The following RNF144A variants were observed in gnomAD, a reference collection of about 807,000 sequenced individuals.
The protein encoded by RNF144A is ring finger protein 144A.
RNF144A carries 11 observed loss-of-function variants against 38.7 expected under a neutral mutation model. The ratio of observed to expected loss-of-function variants is 0.28; its 90% CI spans 0.18 to 0.47. The LOEUF (loss-of-function observed/expected upper bound fraction) is 0.47, where lower values mean the gene tolerates loss of function less well. Among genes scored for constraint, RNF144A ranks in the 20% least tolerant of loss-of-function variants. The pLI, the probability that RNF144A is intolerant of heterozygous loss-of-function variation, is 0.99. For synonymous variants in RNF144A, 149 were observed against 143.9 expected, an observed-to-expected ratio of 1.04 and a Z score of -0.25; for missense variants, 316 against 377.2, an observed-to-expected ratio of 0.84 and a Z score of 1.34.
intron 6 of RNF144A, among the ~76,000 whole-genome samples, chr2:7,060,255 C>T (rs1235307642): frequency 6.6e-6 from 1 of 152,060 alleles, no homozygotes; most frequent in Non-Finnish European, 1.5e-5. Flanking sequence ...AAGACATGAT[C>T]CTGTTTTGTT....
Position 6,944,733 on chromosome 2 carries a change from G to A in RNF144A, c.-12+3586G>A, listed in dbSNP as rs528156198. Among the ~76,000 whole-genome samples the A allele has an allele frequency of 5.3e-5, 8 of 152,202 alleles. No homozygotes were observed. Among genetic ancestry groups the A allele is most frequent in the African/African-American group, 1.7e-4 (7 of 41,528 alleles). ...ACATCACGAGGCCAAGTAGAATTTT[G>A]TGTTCTCTCTGTTGGCCACGCCCAC... On this transcript the variant is annotated intron_variant, in intron 2 of 8. Coordinates refer to ENST00000320892, the MANE Select transcript of RNF144A (RefSeq NM_014746.6). This position sits in a 1 kb window ranked among gnomAD's most constrained non-coding sequence, Gnocchi z 4.7.
the RNF144A span, among the ~76,000 whole-genome samples, chr2:7,075,752 T>C: frequency 1.3e-5 from 2 of 152,150 alleles, no homozygotes; most frequent in Admixed American, 1.3e-4. Context: ...CAACAGAAAA[T>C]GGATTAAGAC....
chr2:7,074,278 C>G, the RNF144A span, among the ~76,000 whole-genome samples: 2 of 152,160 alleles, frequency 1.3e-5, no homozygotes, highest in Admixed American at 1.3e-4. Flanking sequence ...TGTGCTCGTT[C>G]TGGGCCTGCC....
intron 2 of RNF144A, among the ~76,000 whole-genome samples, chr2:6,963,976 G>A (rs1399455617): frequency 6.6e-6 from 1 of 152,092 alleles, no homozygotes; most frequent in Admixed American, 6.5e-5. Context: ...CCAGCAGCTG[G>A]TAGGCAAAGC....
At position 6,985,758 on chromosome 2, in the gene RNF144A, C is replaced by T. The variant is rs140798098; in HGVS notation, c.-11-11158C>T. Among the ~76,000 whole-genome samples the T allele has an allele frequency of 5.5e-3, 844 of 152,268 alleles. 8 individuals are homozygous for T. The highest frequency in any genetic ancestry group is 0.019 in the African/African-American group (802 of 41,538). ...CGCCATCTCGGCTCACTGCAAGCTC[C>T]GCCTCCTGGGTTCATGCCATTCTCC... On this transcript the variant is annotated intron_variant, in intron 2 of 8. Transcript: ENST00000320892.
chr2:6,946,888 A>G (rs1280041456), intron 2 of RNF144A, among the ~76,000 whole-genome samples: 2 of 152,182 alleles, frequency 1.3e-5, no homozygotes, highest in Non-Finnish European at 2.9e-5. Flanking sequence ...GTTGTACATT[A>G]TTTACATATC....
At chr2:6,975,787 C>G (rs1225001958) in intron 2 of RNF144A, among the ~76,000 whole-genome samples, 3 of 152,202 alleles carry the variant, frequency 2.0e-5, no homozygotes, top group Non-Finnish European at 4.4e-5. Context: ...GATTGCACCA[C>G]AGCACTCTAG....
At chr2:6,920,530 T>C (rs770632349) in intron 1 of RNF144A, among the ~76,000 whole-genome samples, 54 of 152,160 alleles carry the variant, frequency 3.5e-4, no homozygotes, top group Non-Finnish European at 6.2e-4. Context: ...CAGGATGATA[T>C]TGAGCCCTCA....
At chr2:7,010,560 C>A (rs1181599835) in intron 3 of RNF144A, among the ~76,000 whole-genome samples, 1 of 152,098 alleles carries the variant, frequency 6.6e-6, no homozygotes, top group Admixed American at 6.5e-5. Flanking sequence ...TTCTCTGTGG[C>A]CACTTCTCCT....
At chr2:6,953,607 C>G (rs375787672) in intron 2 of RNF144A, among the ~76,000 whole-genome samples, 1 of 152,112 alleles carries the variant, frequency 6.6e-6, no homozygotes, top group South Asian at 2.1e-4. Context: ...TTATCAATAT[C>G]TATCTTAATT....
chr2:6,923,846 A>G (rs777460949), intron 1 of RNF144A, among the ~76,000 whole-genome samples: 2 of 151,454 alleles, frequency 1.3e-5, no homozygotes, highest in African/African-American at 2.4e-5. Context: ...TCTCTAATCC[A>G]ATTTTACTGA....
In RNF144A at chr2:6,992,981, A is replaced by G. The variant is rs1268958225; in HGVS notation, c.-11-3935A>G. On this transcript the variant is annotated intron_variant, in intron 2 of 8. Transcript: ENST00000320892. Reference sequence around the variant, plus strand: ...CCATTTCATATGACTTGACATTCACATTAGGAAAACAAAGACTGTGCTTTC... The same window carrying G: ...CCATTTCATATGACTTGACATTCACGTTAGGAAAACAAAGACTGTGCTTTC... 2.0e-5 allele frequency among the ~76,000 whole-genome samples: 3 copies of G among 152,336 alleles called. No individual in the cohort carries two copies. The East Asian group carries it at 5.8e-4, about 29-fold the overall frequency.
At position 7,040,352 on chromosome 2, in the gene RNF144A, T is replaced by C; in HGVS notation, c.*592T>C. ...TTTAAGAAGTTATAGTTAAACGACT[T>C]TTCAGGAGATTTAGAAAGCCTTATG... On this transcript the variant is annotated 3_prime_UTR_variant, in exon 9 of 9. Transcript: ENST00000320892. 1.0e-6 allele frequency: 1 copy of C among 985,410 alleles called. No homozygotes were observed. Among genetic ancestry groups the C allele is most frequent in the Non-Finnish European group, 1.2e-6 (1 of 829,900 alleles). The allele number at this position is 985,410 out of a possible 1,614,324, so 61.0% of individuals were successfully genotyped here.
At chr2:6,967,677 T>G (rs1365326394) in intron 2 of RNF144A, among the ~76,000 whole-genome samples, 1 of 152,238 alleles carries the variant, frequency 6.6e-6, no homozygotes. Context: ...TCACTTGTAC[T>G]TCATTCACTT....
At chr2:6,918,789 A>AAAAAAAAAAAAC in intron 1 of RNF144A, 1 of 149,936 alleles carries the variant, frequency 6.7e-6, no homozygotes, top group Non-Finnish European at 1.5e-5. Context: ...AAAAAAAAAA[A>AAAAAAAAAAAAC]ATCCATTGAA....
chr2:6,997,048 T>C lies in RNF144A; in HGVS notation c.122T>C (p.Ile41Thr). 1 of 1,614,178 alleles carries C rather than the reference T, an allele frequency of 6.2e-7. No individual in the cohort carries two copies. The highest frequency in any genetic ancestry group is 8.5e-7 in the Non-Finnish European group (1 of 1,179,978). ...QMTTIAQCQC[I>T]FCTLCLKQYV... ...ACAACCATAGCCCAGTGCCAATGCA[T>C]CTTCTGTACTCTGGTTGGTCTTTTT... The change falls in exon 3 of 9, where the codon ATC (isoleucine) becomes ACC (threonine). Residue 41 changes from isoleucine to threonine, a missense_variant. Physicochemically the swap from Ile to Thr is moderately conservative, Grantham distance 89. Transcript: ENST00000320892.
At chr2:6,976,055 A>G (rs1668293754) in intron 2 of RNF144A, among the ~76,000 whole-genome samples, 1 of 152,164 alleles carries the variant, frequency 6.6e-6, no homozygotes, top group Admixed American at 6.5e-5. Flanking sequence ...TACTTGAGTT[A>G]TTCCCAGTCT....
chr2:7,072,744 T>C (rs1175339129), downstream of RNF144A, among the ~76,000 whole-genome samples: 1 of 152,172 alleles, frequency 6.6e-6, no homozygotes, highest in Non-Finnish European at 1.5e-5. Context: ...CAATAGATAT[T>C]TGTGGAATGA....
Position 7,007,423 on chromosome 2 carries a change from C to T in RNF144A, c.136-7031C>T, listed in dbSNP as rs75359527. Among the ~76,000 whole-genome samples, 76 of 152,310 alleles carry T rather than the reference C, an allele frequency of 5.0e-4. 1 individual carries two copies. The highest frequency in any genetic ancestry group is 1.8e-3 in the African/African-American group (73 of 41,570). On this transcript the variant is annotated intron_variant, in intron 3 of 8. Coordinates refer to ENST00000320892, the MANE Select transcript of RNF144A (RefSeq NM_014746.6). The stretch of plus-strand genomic sequence containing the variant: ...TTGCACGCCTACTCACATTGTCTCA[C>T]ACTCAGCCTCTCAAGCGCGTCTGTG...
Sources: gnomAD v4.1 joint callset for allele counts (sites outside exome capture counted in the v4.1 genomes callset) on GRCh38, gnomAD v4.1.1 for gene constraint, Gnocchi (gnomAD v3.1) non-coding constraint, MANE v1.5 for transcripts, NCBI Gene and HGNC (gene_info 2026-07-23, HGNC 2026-07-21) for gene names.